Variants in BBX observed in about 807,000 individuals in gnomAD.
The protein encoded by BBX is HMG box transcription factor BBX.
A neutral mutation model predicts 100.2 loss-of-function variants in BBX; 30 were observed. The ratio of observed to expected loss-of-function variants is 0.30; its 90% CI spans 0.22 to 0.41. BBX has a LOEUF of 0.41. Ranked by LOEUF, BBX falls within the 10% of genes least tolerant of loss-of-function variation. The pLI, the probability that BBX is intolerant of heterozygous loss-of-function variation, is 1.00. For synonymous variants in BBX, 376 were observed against 388.1 expected, an observed-to-expected ratio of 0.97 and a Z score of 0.37; for missense variants, 1,023 against 1,129.8, an observed-to-expected ratio of 0.91 and a Z score of 1.35.
At chr3:107,603,853 C>CT (rs934414807) in intron 2 of BBX, among the ~76,000 whole-genome samples, 38 of 148,242 alleles carry the variant, frequency 2.6e-4, no homozygotes, top group African/African-American at 4.5e-4. Context: ...TTAGTGTGTA[C>CT]TTTTTTTTTT....
At position 107,810,919 on chromosome 3, in the gene BBX, T is replaced by TG. The variant is rs956822454; in HGVS notation, c.*5462_*5463insG. On this transcript the variant is annotated 3_prime_UTR_variant, in exon 18 of 18. Coordinates refer to ENST00000325805, the MANE Select transcript of BBX (RefSeq NM_001142568.3). ...GCATGACTGAATCGCTCATTTTTTT[T>TG]TTTTGCTTTCAGAAATTGGCTTGGT... The TG allele has an allele frequency of 6.6e-6, 1 of 152,148 alleles. No individual in the cohort carries two copies. The highest frequency in any genetic ancestry group is 1.5e-5 in the Non-Finnish European group (1 of 68,028). 9.4% of individuals were successfully genotyped at this position (152,148 alleles called of 1,614,324 possible).
chr3:107,790,965 T>C lies in BBX; in HGVS notation c.2294-275T>C, dbSNP rs1173335054. On this transcript the variant is annotated intron_variant, in intron 14 of 17. Transcript: ENST00000325805. The stretch of plus-strand genomic sequence containing the variant: ...AAACATCAGCTTTTTTCATTCCGTT[T>C]TACTGATCTTCAGATTACTTTGATT... Among the ~76,000 whole-genome samples, 3 of 152,220 alleles carry C rather than the reference T, an allele frequency of 2.0e-5. No individual in the cohort carries two copies. In the East Asian group the frequency reaches 5.8e-4, roughly 29 times the overall value.
chr3:107,579,306 G>T (rs1419381083), intron 2 of BBX, among the ~76,000 whole-genome samples: 6 of 152,224 alleles, frequency 3.9e-5, no homozygotes, highest in Non-Finnish European at 8.8e-5. Context: ...AAGTTTGAGA[G>T]TGTGCCTGGA....
intron 1 of BBX, 147 bp from the exon 2 acceptor site, chr3:107,526,179 CG>C: frequency 1.3e-5 from 5 of 395,564 alleles, no homozygotes; most frequent in Non-Finnish European, 1.8e-5. Context: ...TCTCCAGTGT[CG>C]GGGGGTGGTA....
At position 107,716,832 on chromosome 3, in the gene BBX, A is replaced by G. The variant is rs1161484837; in HGVS notation, c.388A>G (p.Thr130Ala). 1.2e-6 allele frequency: 2 copies of G among 1,613,438 alleles called. No individual in the cohort carries two copies. Among genetic ancestry groups the G allele is most frequent in the African/African-American group, 2.7e-5 (2 of 74,902 alleles). Residue 130 changes from threonine to alanine, a missense_variant, in exon 5 of 18, where the codon ACA becomes GCA. Around this residue, in one of 9 missense-constraint regions of BBX, gnomAD observed 229 missense variants for 226.3 expected, o/e 1.01. Coordinates refer to ENST00000325805, the MANE Select transcript of BBX (RefSeq NM_001142568.3). ...TGATCCAAAGGAAAAGCAGAAATAC[A>G]CAGACATGGCCAAGGAGGTAGGTTA... Reference protein sequence around the residue: ...VLDPKEKQKYTDMAKEYKDAF... With the variant: ...VLDPKEKQKYADMAKEYKDAF...
At chr3:107,709,857 C>T (rs1214540947) in intron 3 of BBX, among the ~76,000 whole-genome samples, 1 of 152,214 alleles carries the variant, frequency 6.6e-6, no homozygotes, top group Non-Finnish European at 1.5e-5. Flanking sequence ...TATAGCTTGG[C>T]CATTGCTTGG....
chr3:107,707,844 A>G (rs2061477584), intron 3 of BBX, among the ~76,000 whole-genome samples: 1 of 152,162 alleles, frequency 6.6e-6, no homozygotes, highest in Non-Finnish European at 1.5e-5. Context: ...ATATCCACAC[A>G]TATATATACA....
At chr3:107,753,373 G>C (rs2065222551) in intron 9 of BBX, among the ~76,000 whole-genome samples, 1 of 152,002 alleles carries the variant, frequency 6.6e-6, no homozygotes, top group Non-Finnish European at 1.5e-5. Flanking sequence ...TGGAAATGTT[G>C]GGCCACTAAA....
chr3:107,579,099 G>A (rs982548584), intron 2 of BBX, among the ~76,000 whole-genome samples: 11 of 152,224 alleles, frequency 7.2e-5, no homozygotes, highest in Non-Finnish European at 1.0e-4. Context: ...TGTCTCAAAC[G>A]CCTGCATTAT....
At chr3:107,612,649 A>G (rs2107658653) in intron 2 of BBX, among the ~76,000 whole-genome samples, 1 of 152,288 alleles carries the variant, frequency 6.6e-6, no homozygotes, top group Admixed American at 6.5e-5. Flanking sequence ...GGCTGACACA[A>G]GCACCCCTGT....
Position 107,805,871 on chromosome 3 carries a change from C to T in BBX, c.*414C>T, listed in dbSNP as rs142914902. On this transcript the variant is annotated 3_prime_UTR_variant, in exon 18 of 18. Transcript: ENST00000325805. Reference sequence around the variant, plus strand: ...AAAACAAAAAAAAAACAAAAACTGACGCACTGCACTAGTTATTATTAGATA... The same window carrying T: ...AAAACAAAAAAAAAACAAAAACTGATGCACTGCACTAGTTATTATTAGATA... 2.1e-4 allele frequency: 39 copies of T among 185,420 alleles called. 1 individual carries two copies. The East Asian group carries it at 4.4e-3, about 21-fold the overall frequency. The allele number at this position is 185,420 out of a possible 1,614,324, so 11.5% of individuals were successfully genotyped here.
chr3:107,738,291 G>A (rs976298396), intron 7 of BBX, among the ~76,000 whole-genome samples: 2 of 151,680 alleles, frequency 1.3e-5, no homozygotes, highest in Non-Finnish European at 2.9e-5. Context: ...TTTTCTTATT[G>A]TATTATATGT....
rs373590308 is a variant in BBX at position 107,782,251 on chromosome 3, C to G, written c.2203+3732C>G. Among the ~76,000 whole-genome samples, 15 of 152,232 alleles carry G rather than the reference C, an allele frequency of 9.9e-5. No individual in the cohort carries two copies. In the East Asian group the frequency reaches 2.5e-3, roughly 25 times the overall value. ...GACTGATTGACTCAGAGAACTTATT[C>G]AAGTCAGTAAATGCACATGCCCTGC... is the stretch of plus-strand genomic sequence containing the variant. On this transcript the variant is annotated intron_variant, in intron 13 of 17. Coordinates refer to ENST00000325805, the MANE Select transcript of BBX (RefSeq NM_001142568.3).
chr3:107,740,488 A>T lies in BBX; in HGVS notation c.670-4142A>T, dbSNP rs114895114. Among the ~76,000 whole-genome samples, 1,332 of 152,134 alleles carry T rather than the reference A, an allele frequency of 8.8e-3. 11 individuals are homozygous for T. Among genetic ancestry groups the T allele is most frequent in the African/African-American group, 0.03 (1,233 of 41,502 alleles). On this transcript the variant is annotated intron_variant, in intron 7 of 17. Transcript: ENST00000325805. Reference sequence around the variant, plus strand: ...ATCTTCTAATTAGCCTCCTGCCTCCAGTCATCCCCAGACAGCGTCACCCTG... The same window carrying T: ...ATCTTCTAATTAGCCTCCTGCCTCCTGTCATCCCCAGACAGCGTCACCCTG...
intron 2 of BBX, among the ~76,000 whole-genome samples, chr3:107,528,711 G>A (rs995164692): frequency 2.6e-5 from 4 of 152,180 alleles, no homozygotes; most frequent in Admixed American, 6.5e-5. Context: ...GGCCTGTGCC[G>A]TAAGTAACTA....
At chr3:107,722,410 T>G (rs539204979) in intron 5 of BBX, among the ~76,000 whole-genome samples, 232 of 152,156 alleles carry the variant, frequency 1.5e-3, no homozygotes, top group African/African-American at 5.0e-3. Context: ...TTTCAGCTTT[T>G]AAAATTAGTG....
intron 2 of BBX, among the ~76,000 whole-genome samples, chr3:107,560,151 A>C (rs2050377920): frequency 6.6e-6 from 1 of 152,130 alleles, no homozygotes; most frequent in Non-Finnish European, 1.5e-5. Context: ...AAATTGAAAG[A>C]AAGTTAAAAG....
chr3:107,652,011 C>A (rs1027853792), intron 3 of BBX, among the ~76,000 whole-genome samples: 1 of 152,152 alleles, frequency 6.6e-6, no homozygotes, highest in Non-Finnish European at 1.5e-5. Context: ...GAATTCTCTC[C>A]CTTGGACACC....
intron 13 of BBX, among the ~76,000 whole-genome samples, chr3:107,789,425 C>T (rs1393429606): frequency 6.6e-6 from 1 of 152,156 alleles, no homozygotes; most frequent in Non-Finnish European, 1.5e-5. Flanking sequence ...ATATTCCATC[C>T]TTTCCTTCAT....
Sources: gnomAD v4.1 joint callset for allele counts (sites outside exome capture counted in the v4.1 genomes callset) on GRCh38, gnomAD v4.1.1 for gene constraint, gnomAD v4.1.1 regional missense constraint, MANE v1.5 for transcripts, NCBI Gene and HGNC (gene_info 2026-07-23, HGNC 2026-07-21) for gene names.